The following AKT3 variants were observed in gnomAD, a reference collection of about 807,000 sequenced individuals.
AKT3 encodes RAC-gamma serine/threonine-protein kinase.
In AKT3, 15 loss-of-function variants were observed where a neutral mutation model predicts 65.3. That is an observed-to-expected ratio of 0.23 (90% CI 0.15 to 0.35). The LOEUF (loss-of-function observed/expected upper bound fraction) is 0.35. AKT3 is among the 10% of genes least tolerant of loss of function. AKT3 has a pLI of 1.00. For missense variants in AKT3, 243 were observed against 576.5 expected (o/e 0.42, Z 5.92); for synonymous variants, 206 against 183.8 (o/e 1.12, Z -0.98).
intron 2 of AKT3, among the ~76,000 whole-genome samples, chr1:243,758,847 G>C (rs1469139291): frequency 6.6e-6 from 1 of 152,154 alleles, no homozygotes; most frequent in Non-Finnish European, 1.5e-5. Flanking sequence ...GGTCCTAACA[G>C]GTCAGGGACC....
At chr1:243,647,206 A>G (rs1329816637) in intron 4 of AKT3, among the ~76,000 whole-genome samples, 3 of 152,172 alleles carry the variant, frequency 2.0e-5, no homozygotes, top group Non-Finnish European at 4.4e-5. Flanking sequence ...CCACATAACA[A>G]TGTTTCAGTC....
chr1:243,505,611 A>G (rs1241558265), intron 13 of AKT3, among the ~76,000 whole-genome samples: 2 of 152,234 alleles, frequency 1.3e-5, no homozygotes, highest in East Asian at 1.9e-4. Flanking sequence ...TATTGAAGAA[A>G]ACAGAAGTTT....
chr1:243,596,032 T>C (rs1423817121), intron 8 of AKT3, among the ~76,000 whole-genome samples: 1 of 152,222 alleles, frequency 6.6e-6, no homozygotes, highest in East Asian at 1.9e-4. Flanking sequence ...CACTGCAGTA[T>C]GACTTACAAC....
At chr1:243,666,819 C>T (rs553562152) in intron 3 of AKT3, among the ~76,000 whole-genome samples, 1 of 152,228 alleles carries the variant, frequency 6.6e-6, no homozygotes, top group East Asian at 1.9e-4. Context: ...AAAAATCATC[C>T]AACACAAAGC....
intron 8 of AKT3, among the ~76,000 whole-genome samples, chr1:243,580,328 A>AG (rs1215821011): frequency 6.6e-6 from 1 of 152,182 alleles, no homozygotes; most frequent in Admixed American, 6.5e-5. Context: ...ACCTAGGCCA[A>AG]GGGAGAGCAC....
chr1:243,844,429 G>C (rs1293741076), intron 1 of AKT3, among the ~76,000 whole-genome samples: 1 of 152,200 alleles, frequency 6.6e-6, no homozygotes, highest in East Asian at 1.9e-4. Flanking sequence ...GAGCTCTTGG[G>C]AAGACAATGC....
chr1:243,685,833 C>T (rs1022672602), intron 3 of AKT3, among the ~76,000 whole-genome samples: 2 of 152,076 alleles, frequency 1.3e-5, no homozygotes, highest in Non-Finnish European at 2.9e-5. Context: ...TTTGCAGATG[C>T]CATGATTGTA....
chr1:243,566,524 G>A (rs571952962), intron 9 of AKT3, among the ~76,000 whole-genome samples: 3 of 152,160 alleles, frequency 2.0e-5, no homozygotes, highest in South Asian at 4.1e-4. Context: ...AGAGAGATGG[G>A]GTAAGGGTCA....
chr1:243,685,483 G>C (rs1684223500), intron 3 of AKT3, among the ~76,000 whole-genome samples: 1 of 152,122 alleles, frequency 6.6e-6, no homozygotes, highest in East Asian at 1.9e-4. Context: ...AAGATCAGAT[G>C]ACTGTAGATG....
rs1423473844 is a variant in AKT3, at chr1:243,500,065, AT to A, written c.*5183del. 2.3e-6 allele frequency: 1 copy of A among 437,660 alleles called. No homozygotes were observed. Among genetic ancestry groups the A allele is most frequent in the African/African-American group, 1.9e-5 (1 of 51,296 alleles). 27.1% of individuals were successfully genotyped at this position (437,660 alleles called of 1,614,324 possible). On this transcript the variant is annotated 3_prime_UTR_variant, in exon 14 of 14. Transcript: ENST00000673466. ...ATTCGTATGCTAGGTTATACATATG[AT>A]TTTCAATAAATGAACTTTTTAAAGA... is the stretch of plus-strand genomic sequence containing the variant.
intron 12 of AKT3, among the ~76,000 whole-genome samples, chr1:243,535,982 G>C (rs927460726): frequency 1.3e-5 from 2 of 152,060 alleles, no homozygotes; most frequent in African/African-American, 4.8e-5. Context: ...TTGTGATGTT[G>C]AACATTTTTT....
chr1:243,557,652 T>C (rs761071209), intron 10 of AKT3, among the ~76,000 whole-genome samples: 4 of 152,066 alleles, frequency 2.6e-5, no homozygotes, highest in Non-Finnish European at 4.4e-5. Context: ...TTCAACTAAA[T>C]AGTAAGCCAA....
At chr1:243,635,296 G>C (rs1442559391) in intron 6 of AKT3, among the ~76,000 whole-genome samples, 1 of 151,498 alleles carries the variant, frequency 6.6e-6, no homozygotes, top group Non-Finnish European at 1.5e-5. Flanking sequence ...TGCTAAGGGA[G>C]AAATTTAAAG....
At chr1:243,730,561 C>A (rs562969478) in intron 2 of AKT3, among the ~76,000 whole-genome samples, 1 of 152,218 alleles carries the variant, frequency 6.6e-6, no homozygotes, top group South Asian at 2.1e-4. Flanking sequence ...AGGGCTGTAA[C>A]ACTATAGCCT....
chr1:243,850,731 C>A (rs938387271), upstream of AKT3, among the ~76,000 whole-genome samples: 1 of 151,928 alleles, frequency 6.6e-6, no homozygotes, highest in Non-Finnish European at 1.5e-5. Flanking sequence ...CTGCCCGGCC[C>A]TCGTCCTCAG....
chr1:243,718,388 T>G (rs1479992114), intron 2 of AKT3, among the ~76,000 whole-genome samples: 2 of 152,212 alleles, frequency 1.3e-5, no homozygotes, highest in Non-Finnish European at 1.5e-5. Flanking sequence ...TTATTAAATC[T>G]TCACTTTAAA....
rs1057523451 is a variant in AKT3 at position 243,843,165 on chromosome 1, G to A, written c.6C>T (p.Ser2=). ...AACCTTCTTTCACAATGGTAACATCGCTCATGATGACTCCCCTCTGAGCCC... is the reference window on the plus strand; with the variant it reads ...AACCTTCTTTCACAATGGTAACATCACTCATGATGACTCCCCTCTGAGCCC... The part of the protein sequence containing the change: M[S]DVTIVKEGWV... The change falls in exon 2 of 14, where the codon AGC becomes AGT. Residue 2 remains serine (S), a synonymous_variant. Transcript: ENST00000673466. The A allele has an allele frequency of 5.0e-6, 8 of 1,613,396 alleles. No homozygotes were observed. The highest frequency in any genetic ancestry group is 2.2e-5 in the East Asian group (1 of 44,858).
chr1:243,817,595 G>A (rs181237984), intron 2 of AKT3, among the ~76,000 whole-genome samples: 3 of 152,302 alleles, frequency 2.0e-5, no homozygotes, highest in Admixed American at 2.0e-4. Flanking sequence ...GCAAAAATTA[G>A]CCAGGCGTGG....
At chr1:243,516,046 T>C (rs1211771179) in intron 12 of AKT3, among the ~76,000 whole-genome samples, 1 of 152,116 alleles carries the variant, frequency 6.6e-6, no homozygotes, top group Non-Finnish European at 1.5e-5. Context: ...AACTGAGAAA[T>C]GTTCTCTCAT....
Sources: gnomAD v4.1 joint callset for allele counts (sites outside exome capture counted in the v4.1 genomes callset) on GRCh38, gnomAD v4.1.1 for gene constraint, MANE v1.5 for transcripts, NCBI Gene and HGNC (gene_info 2026-07-23, HGNC 2026-07-21) for gene names.